Variants in BLK observed in about 807,000 individuals in gnomAD.
BLK encodes the protein BLK proto-oncogene, Src family tyrosine kinase, also known as tyrosine-protein kinase Blk.
Under a neutral mutation model 61.8 loss-of-function variants are expected in BLK, and 64 were observed. The ratio of observed to expected loss-of-function variants is 1.03; its 90% CI spans 0.85 to 1.27. The LOEUF (loss-of-function observed/expected upper bound fraction) is 1.27. BLK is among the 50% of genes most tolerant of loss of function. The pLI is 0.00. For missense variants in BLK, 853 were observed against 660.5 expected (o/e 1.29, Z -3.19); for synonymous variants, 351 against 272.0 (o/e 1.29, Z -2.86).
chr8:11,508,234 G>GGC (rs1798859659), intron 1 of BLK, among the ~76,000 whole-genome samples: 1 of 152,208 alleles, frequency 6.6e-6, no homozygotes, highest in South Asian at 2.1e-4. Context: ...AGCGTGTCAC[G>GGC]GCGCGAAGGC....
In BLK at chr8:11,546,053, T is replaced by A. The variant is rs1437243282; in HGVS notation, c.125T>A (p.Val42Asp). 3 of 1,614,124 alleles carry A rather than the reference T, an allele frequency of 1.9e-6. No homozygotes were observed. The East Asian group carries it at 6.7e-5, about 36-fold the overall frequency. Residue 42 changes from valine to aspartate, a missense_variant and splice_region_variant, in exon 3 of 13, where the codon GTT becomes GAT. Transcript: ENST00000259089. ...TCAAGTGTGTGTTTTCTACCCAAGG[T>A]TGTCTTCAACCACCTTACTCCTCCA... ...DKDAPPLPPL[V>D]VFNHLTPPPP...
At chr8:11,551,282 G>T (rs1442684445) in intron 6 of BLK, among the ~76,000 whole-genome samples, 1 of 152,180 alleles carries the variant, frequency 6.6e-6, no homozygotes. Context: ...GAGGCTGGAA[G>T]TCCACGACCA....
chr8:11,505,331 T>C (rs535407074), intron 1 of BLK, among the ~76,000 whole-genome samples: 1 of 152,302 alleles, frequency 6.6e-6, no homozygotes, highest in African/African-American at 2.4e-5. Context: ...GCAAGAGATC[T>C]CTGTTTTCTA....
chr8:11,539,538 T>G (rs895801171), intron 1 of BLK, among the ~76,000 whole-genome samples: 2 of 152,240 alleles, frequency 1.3e-5, no homozygotes, highest in African/African-American at 4.8e-5. Flanking sequence ...TTTATTAACC[T>G]GAGATAGTCC....
At chr8:11,538,278 G>T (rs930182582) in intron 1 of BLK, among the ~76,000 whole-genome samples, 2 of 152,216 alleles carry the variant, frequency 1.3e-5, no homozygotes, top group African/African-American at 2.4e-5. Context: ...GATGCGTTTT[G>T]CCTCTGTCTG....
At chr8:11,539,616 T>C (rs1800284291) in intron 1 of BLK, among the ~76,000 whole-genome samples, 1 of 152,230 alleles carries the variant, frequency 6.6e-6, no homozygotes. Flanking sequence ...AGATTGCCCT[T>C]TAAAAGAATT....
chr8:11,526,084 T>G (rs1799642585), intron 1 of BLK, among the ~76,000 whole-genome samples: 1 of 152,156 alleles, frequency 6.6e-6, no homozygotes, highest in Non-Finnish European at 1.5e-5. Flanking sequence ...CAGCTTTTGT[T>G]TTTAAACATT....
chr8:11,498,209 G>A (rs1014700074), intron 1 of BLK, among the ~76,000 whole-genome samples: 3 of 152,214 alleles, frequency 2.0e-5, no homozygotes, highest in African/African-American at 7.2e-5. Flanking sequence ...ATGTAAGGAG[G>A]CTCCCATGCT....
chr8:11,515,732 T>A (rs530841194), intron 1 of BLK, among the ~76,000 whole-genome samples: 4 of 152,358 alleles, frequency 2.6e-5, no homozygotes, highest in African/African-American at 9.6e-5. Context: ...TAGTGCCTCA[T>A]GTCATATGTG....
At chr8:11,518,631 C>G (rs143741416) in intron 1 of BLK, among the ~76,000 whole-genome samples, 274 of 152,282 alleles carry the variant, frequency 1.8e-3, no homozygotes, top group African/African-American at 6.2e-3. Flanking sequence ...TCCTGCTTCA[C>G]CCGCACCCCA....
At chr8:11,563,187 C>T in intron 12 of BLK, 77 bp downstream of exon 12, 1 of 1,596,378 alleles carries the variant, frequency 6.3e-7, no homozygotes, top group East Asian at 2.2e-5. Flanking sequence ...GTGCTTGGTG[C>T]CTGTGGCTGC....
intron 2 of BLK, among the ~76,000 whole-genome samples, chr8:11,543,696 C>G (rs761689112): frequency 6.6e-6 from 1 of 152,214 alleles, no homozygotes; most frequent in Non-Finnish European, 1.5e-5. Flanking sequence ...CCCTATGTGG[C>G]ATTGCTGCTG....
intron 1 of BLK, among the ~76,000 whole-genome samples, chr8:11,521,024 T>C (rs1278400239): frequency 6.6e-6 from 1 of 152,110 alleles, no homozygotes; most frequent in Non-Finnish European, 1.5e-5. Context: ...AAGAAAATCT[T>C]TTAAAAAAGA....
chr8:11,561,827 T>C (rs1288440401), intron 11 of BLK, among the ~76,000 whole-genome samples: 18 of 58,432 alleles, frequency 3.1e-4, no homozygotes. Flanking sequence ...CCAAATACTA[T>C]TTTTTTTTTT....
chr8:11,500,241 T>C (rs1284911690), intron 1 of BLK, among the ~76,000 whole-genome samples: 1 of 152,200 alleles, frequency 6.6e-6, no homozygotes, highest in African/African-American at 2.4e-5. Context: ...TTGCCCAGGC[T>C]GGAGTGCAAT....
At chr8:11,555,837 C>T (rs113922056) in intron 8 of BLK, 7 of 373,754 alleles carry the variant, frequency 1.9e-5, no homozygotes, top group East Asian at 1.4e-4. Flanking sequence ...GGAGGTTAAA[C>T]GTGATGAGCC....
intron 3 of BLK, among the ~76,000 whole-genome samples, chr8:11,547,548 G>A (rs7824640): frequency 0.45 from 68,055 of 152,182 alleles, 15,986 homozygotes; most frequent in Non-Finnish European, 0.51. Flanking sequence ...GGGGCTCTGG[G>A]CACAGACAGT....
chr8:11,543,955 C>T (rs988727821), intron 2 of BLK, among the ~76,000 whole-genome samples: 5 of 145,650 alleles, frequency 3.4e-5, no homozygotes, highest in Non-Finnish European at 7.5e-5. Flanking sequence ...TACAGCATGT[C>T]TGAAGATGCA....
intron 1 of BLK, among the ~76,000 whole-genome samples, chr8:11,502,060 C>A (rs185858920): frequency 1.3e-5 from 2 of 152,154 alleles, no homozygotes; most frequent in Non-Finnish European, 2.9e-5. Context: ...ACATGACTTG[C>A]GTGAACATGG....
Sources: allele counts gnomAD v4.1 joint callset (sites outside exome capture counted in the v4.1 genomes callset), GRCh38; gene constraint gnomAD v4.1.1; transcripts MANE v1.5; gene names NCBI Gene and HGNC (gene_info 2026-07-23, HGNC 2026-07-21).